The following CMTM1 variants were observed in gnomAD, a reference collection of about 807,000 sequenced individuals.
CMTM1 encodes CKLF like MARVEL transmembrane domain containing 1, also known as CKLF-like MARVEL transmembrane domain-containing protein 1.
Under a neutral mutation model 17.8 loss-of-function variants are expected in CMTM1, and 16 were observed. That is an observed-to-expected ratio of 0.90 (90% CI 0.61 to 1.37). The LOEUF is 1.37. Among genes scored for constraint, CMTM1 ranks in the 40% most tolerant of loss-of-function variants. The pLI is 0.00. For synonymous variants in CMTM1, 169 were observed against 154.6 expected, an observed-to-expected ratio of 1.09 and a Z score of -0.69; for missense variants, 354 against 375.6, an observed-to-expected ratio of 0.94 and a Z score of 0.47.
At chr16:66,578,504 T>C (rs1410279763) in intron 3 of CMTM1, among the ~76,000 whole-genome samples, 1 of 152,120 alleles carries the variant, frequency 6.6e-6, no homozygotes, top group East Asian at 1.9e-4. Context: ...CAAAAGTCTT[T>C]CCACGGAGAG....
chr16:66,569,970 T>G lies in CMTM1; in HGVS notation c.467T>G (p.Ile156Ser). 1 of 1,611,168 alleles carries G rather than the reference T, an allele frequency of 6.2e-7. No homozygotes were observed. The highest frequency in any genetic ancestry group is 8.5e-7 in the Non-Finnish European group (1 of 1,179,100). Residue 156 changes from isoleucine to serine, a missense_variant, in exon 2 of 4, where the codon ATC (isoleucine) becomes AGC (serine). Transcript: ENST00000379500. ...LILGALACFI[I>S]TQANESFITI... ...TTAGGAGCATTAGCTTGTTTCATCA[T>G]CACCCAAGCCAATGAGTCATTTATA...
At position 66,566,844 on chromosome 16, in the gene CMTM1, A is replaced by C; in HGVS notation, c.331A>C (p.Lys111Gln). ...CAAACTCTTAAATGAGATGGCGATC[A>C]AAGAGCGCGTGGAGGGCCGAGCCAA... is the stretch of plus-strand genomic sequence containing the variant. ...ESKLLNEMAI[K>Q]ERVEGRAKVP... is the part of the protein sequence containing the mutation. The change falls in exon 1 of 4, where the codon AAA (lysine) becomes CAA (glutamine). Residue 111 changes from lysine to glutamine, a missense_variant. Transcript: ENST00000379500. This position sits in a 1 kb window ranked among gnomAD's most constrained non-coding sequence, Gnocchi z 4.9. The C allele has an allele frequency of 6.2e-7, 1 of 1,614,046 alleles. No homozygotes were observed. The highest frequency in any genetic ancestry group is 1.1e-5 in the South Asian group (1 of 91,064).
chr16:66,575,132 A>G, intron 2 of CMTM1: 1 of 985,354 alleles, frequency 1.0e-6, no homozygotes, highest in Non-Finnish European at 1.2e-6. Flanking sequence ...CCTTTCCAAG[A>G]GGCAAGTCAC....
At chr16:66,569,807 AAG>A in intron 1 of CMTM1, 127 bp from the exon 2 acceptor site, 1 of 604,014 alleles carries the variant, frequency 1.7e-6, no homozygotes, top group Non-Finnish European at 2.8e-6. Flanking sequence ...TTCAAAATGT[AAG>A]AAATGTTAAA....
chr16:66,577,753 C>T (rs1221498853), intron 3 of CMTM1, among the ~76,000 whole-genome samples: 3 of 152,312 alleles, frequency 2.0e-5, no homozygotes, highest in South Asian at 4.1e-4. Flanking sequence ...GGTTAAATAC[C>T]TTGCTCTGGG....
chr16:66,567,343 TC>T, intron 1 of CMTM1: 1 of 318,446 alleles, frequency 3.1e-6, no homozygotes, highest in African/African-American at 2.2e-5. Context: ...TGTGTGATGT[TC>T]CCCTCCCTGT....
intron 2 of CMTM1, among the ~76,000 whole-genome samples, chr16:66,576,199 C>T (rs1465670251): frequency 6.6e-6 from 1 of 152,102 alleles, no homozygotes; most frequent in African/African-American, 2.4e-5. Flanking sequence ...GAGTTCATGA[C>T]CATCCTGGCC....
Position 66,566,914 on chromosome 16 carries a change from C to T in CMTM1, c.401C>T (p.Ser134Leu), listed in dbSNP as rs1223843794. The stretch of plus-strand genomic sequence containing the variant: ...GACAGCCTCAAACGTTTCTCCTTCT[C>T]GCCCACTGGAATGTTGAAGATCCTG... ...FRDSLKRFSF[S>L]PTGMLKILRL... Residue 134 changes from serine to leucine, a missense_variant, in exon 1 of 4, where the codon TCG becomes TTG. Transcript: ENST00000379500. The surrounding 1 kb of genome is among the most constrained non-coding windows in gnomAD (Gnocchi z 4.9). The T allele has an allele frequency of 6.2e-6, 10 of 1,614,046 alleles. No homozygotes were observed. Among genetic ancestry groups the T allele is most frequent in the Non-Finnish European group, 2.5e-6 (3 of 1,180,040 alleles).
At chr16:66,574,250 C>T (rs916958410) in intron 2 of CMTM1, among the ~76,000 whole-genome samples, 4 of 152,166 alleles carry the variant, frequency 2.6e-5, no homozygotes, top group Non-Finnish European at 2.9e-5. Context: ...TGGAAGTCCT[C>T]CCACACATGG....
At chr16:66,568,068 G>A (rs987603073) in intron 1 of CMTM1, among the ~76,000 whole-genome samples, 1 of 152,180 alleles carries the variant, frequency 6.6e-6, no homozygotes, top group Admixed American at 6.5e-5. Context: ...AATAGAGAAA[G>A]AAGAAATAAC....
chr16:66,575,744 T>C (rs1184965353), intron 2 of CMTM1, among the ~76,000 whole-genome samples: 1 of 152,222 alleles, frequency 6.6e-6, no homozygotes, highest in Non-Finnish European at 1.5e-5. Context: ...TGGGAAATGC[T>C]TGACACATCA....
At chr16:66,575,880 A>G (rs2014172068) in intron 2 of CMTM1, among the ~76,000 whole-genome samples, 1 of 152,178 alleles carries the variant, frequency 6.6e-6, no homozygotes, top group Non-Finnish European at 1.5e-5. Flanking sequence ...ACACTCAAAG[A>G]CTTGAGCTAT....
chr16:66,570,309 C>G (rs2013315150), intron 2 of CMTM1, among the ~76,000 whole-genome samples: 1 of 152,180 alleles, frequency 6.6e-6, no homozygotes, highest in African/African-American at 2.4e-5. Flanking sequence ...GAGTGTAAAA[C>G]CCCTCATTAT....
intron 2 of CMTM1, among the ~76,000 whole-genome samples, chr16:66,572,811 T>TA (rs377383002): frequency 2.8e-4 from 42 of 152,266 alleles, no homozygotes; most frequent in African/African-American, 9.9e-4. Flanking sequence ...CATAAAAGGA[T>TA]AGAGTTCCTT....
intron 2 of CMTM1, among the ~76,000 whole-genome samples, 153 bp from the exon 3 acceptor site, chr16:66,576,951 T>C (rs1265107924): frequency 6.6e-6 from 1 of 152,270 alleles, no homozygotes; most frequent in Non-Finnish European, 1.5e-5. Flanking sequence ...CTCTGGACGA[T>C]GTAAGAATTA....
At chr16:66,576,151 C>T (rs1009497001) in intron 2 of CMTM1, among the ~76,000 whole-genome samples, 1 of 152,158 alleles carries the variant, frequency 6.6e-6, no homozygotes, top group Non-Finnish European at 1.5e-5. Flanking sequence ...AATCCCAGCA[C>T]TTTGGGAGGC....
intron 2 of CMTM1, among the ~76,000 whole-genome samples, chr16:66,576,349 G>C (rs2014236277): frequency 6.6e-6 from 1 of 151,736 alleles, no homozygotes; most frequent in Non-Finnish European, 1.5e-5. Context: ...AATGAGCCAA[G>C]ATCGCACCAT....
At chr16:66,571,207 G>A in intron 2 of CMTM1, 2 of 456,366 alleles carry the variant, frequency 4.4e-6, no homozygotes, top group Non-Finnish European at 8.8e-6. Context: ...GACCCTTTTA[G>A]TTATGGAGAG....
intron 3 of CMTM1, 22 bp downstream of exon 3, chr16:66,577,224 T>C: frequency 6.3e-7 from 1 of 1,583,112 alleles, no homozygotes; most frequent in South Asian, 1.1e-5. Flanking sequence ...CCTTCATGAC[T>C]CCATTTAAGA....
Sources: gnomAD v4.1 joint callset for allele counts (sites outside exome capture counted in the v4.1 genomes callset) on GRCh38, gnomAD v4.1.1 for gene constraint, Gnocchi (gnomAD v3.1) non-coding constraint, MANE v1.5 for transcripts, NCBI Gene and HGNC (gene_info 2026-07-23, HGNC 2026-07-21) for gene names.